The following SH3GL1 variants were observed in gnomAD, a reference collection of about 807,000 sequenced individuals.
SH3GL1 encodes SH3 domain containing GRB2 like 1, endophilin A2, also known as endophilin-A2.
SH3GL1 carries 21 observed loss-of-function variants against 48.8 expected under a neutral mutation model. That is an observed-to-expected ratio of 0.43 (90% CI 0.30 to 0.62). The LOEUF is 0.62. Among genes scored for constraint, SH3GL1 ranks in the 20% least tolerant of loss-of-function variants. The probability of loss-of-function intolerance (pLI) is 0.11; values close to 1 mark genes in which losing one functional copy is unlikely to be tolerated. For missense variants in SH3GL1, 454 were observed against 503.0 expected, an observed-to-expected ratio of 0.90 and a Z score of 0.93; for synonymous variants, 282 against 217.5, an observed-to-expected ratio of 1.30 and a Z score of -2.61.
chr19:4,392,221 G>T (rs1254401959), intron 1 of SH3GL1, among the ~76,000 whole-genome samples: 1 of 152,188 alleles, frequency 6.6e-6, no homozygotes, highest in Non-Finnish European at 1.5e-5. Context: ...AAGGGGTTAT[G>T]AACCCCATAT....
Position 4,361,654 on chromosome 19 carries a change from C to T in SH3GL1, c.1053G>A (p.Gln351=). 1.2e-6 allele frequency: 2 copies of T among 1,611,302 alleles called. No individual in the cohort carries two copies. The highest frequency in any genetic ancestry group is 1.7e-6 in the Non-Finnish European group (2 of 1,179,702). ...CGTAGCTGAGCGGGAAGAAGCCCGACTGGCCGTCCAGCATGCCCTCGTACC... is the reference window on the plus strand; with the variant it reads ...CGTAGCTGAGCGGGAAGAAGCCCGATTGGCCGTCCAGCATGCCCTCGTACC... ...ENWYEGMLDG[Q]SGFFPLSYVE... The change falls in exon 10 of 10, where the codon CAG becomes CAA. Residue 351 remains glutamine, a synonymous_variant. Coordinates refer to ENST00000269886, the MANE Select transcript of SH3GL1 (RefSeq NM_003025.4).
intron 3 of SH3GL1, 101 bp from the exon 4 acceptor site, chr19:4,365,726 G>T: frequency 6.6e-7 from 1 of 1,519,526 alleles, no homozygotes; most frequent in South Asian, 1.1e-5. Context: ...TGCTTCCTGT[G>T]CCTGTGGACA....
At chr19:4,383,667 C>G (rs1973180765) in intron 1 of SH3GL1, among the ~76,000 whole-genome samples, 1 of 152,200 alleles carries the variant, frequency 6.6e-6, no homozygotes, top group Non-Finnish European at 1.5e-5. Context: ...AGCCTCCTGG[C>G]ACTGAGGAAC....
intron 1 of SH3GL1, among the ~76,000 whole-genome samples, chr19:4,396,652 C>G (rs993683470): frequency 3.3e-5 from 5 of 151,902 alleles, no homozygotes; most frequent in Non-Finnish European, 2.9e-5. Context: ...GTATAATTAT[C>G]CTCATTTTTT....
chr19:4,365,883 C>G (rs1568409035), intron 3 of SH3GL1, among the ~76,000 whole-genome samples: 1 of 152,318 alleles, frequency 6.6e-6, no homozygotes, highest in East Asian at 1.9e-4. Context: ...CCTCTTGGAA[C>G]GTGGCTATGA....
chr19:4,395,992 A>G (rs1330536606), intron 1 of SH3GL1: 1 of 152,016 alleles, frequency 6.6e-6, no homozygotes, highest in Non-Finnish European at 1.5e-5. Context: ...TTTATGGTGG[A>G]TCTAGCTCCC....
intron 1 of SH3GL1, among the ~76,000 whole-genome samples, chr19:4,368,672 G>A (rs553599311): frequency 6.6e-6 from 1 of 152,122 alleles, no homozygotes; most frequent in Non-Finnish European, 1.5e-5. Context: ...GGGGTGTGCC[G>A]GGCATTCAGT....
Position 4,363,858 on chromosome 19 carries a change from C to G in SH3GL1, c.486G>C (p.Glu162Asp). ...TGTAGTCAAAGTCCAGGCGGCGGCCCTCCAGTTTCTTCAGGTGGTGCTGGA... is the reference window on the plus strand; with the variant it reads ...TGTAGTCAAAGTCCAGGCGGCGGCCGTCCAGTTTCTTCAGGTGGTGCTGGA... ...KEIQHHLKKLEGRRLDFDYKK... is the reference protein window; with the variant it reads ...KEIQHHLKKLDGRRLDFDYKK... Residue 162 changes from glutamate to aspartate, a missense_variant, in exon 6 of 10, where the codon GAG becomes GAC. By Grantham distance (45) the Glu-to-Asp change is conservative. This residue lies in a region of SH3GL1 where 176 missense variants were observed against 256.2 expected (regional missense o/e 0.69). Transcript: ENST00000269886. 1 of 1,612,690 alleles carries G rather than the reference C, an allele frequency of 6.2e-7. No homozygotes were observed. Among genetic ancestry groups the G allele is most frequent in the Non-Finnish European group, 8.5e-7 (1 of 1,180,046 alleles).
At chr19:4,375,643 CCCGAGCGAA>C (rs1232257533) in intron 1 of SH3GL1, among the ~76,000 whole-genome samples, 3 of 152,262 alleles carry the variant, frequency 2.0e-5, no homozygotes, top group African/African-American at 7.2e-5. Context: ...AGAGCTCCAG[CCCGAGCGAA>C]CACATCTACA....
chr19:4,363,682 A>G lies in SH3GL1; in HGVS notation c.624+38T>C, dbSNP rs566812526. Reference sequence around the variant, plus strand: ...GGCACCACCCCGGCCTCCCAAGGGCATAGGTCTTCTCAGGATGTGACACCC... The same window carrying G: ...GGCACCACCCCGGCCTCCCAAGGGCGTAGGTCTTCTCAGGATGTGACACCC... On this transcript the variant is annotated intron_variant, in intron 6 of 9. Transcript: ENST00000269886. 5.6e-6 allele frequency: 9 copies of G among 1,611,300 alleles called. No homozygotes were observed. In the East Asian group the frequency reaches 1.3e-4, roughly 24 times the overall value.
In SH3GL1 at chr19:4,389,118, C is replaced by A. The variant is rs1292529863; in HGVS notation, c.45+11206G>T. ...ACAGCCCCTCACTCTGAGAAGGAGC[C>A]CTCTAGCTCAGCCTCTGTAGGGGGC... On this transcript the variant is annotated intron_variant, in intron 1 of 9. Coordinates refer to ENST00000269886, the MANE Select transcript of SH3GL1 (RefSeq NM_003025.4). The surrounding 1 kb of genome is among the most constrained non-coding windows in gnomAD (Gnocchi z 4.5). 1.3e-5 allele frequency among the ~76,000 whole-genome samples: 2 copies of A among 152,220 alleles called. No homozygotes were observed. Among genetic ancestry groups the A allele is most frequent in the Non-Finnish European group, 2.9e-5 (2 of 68,038 alleles).
rs1972609810 is a variant in SH3GL1, at chr19:4,361,504, C to T, written c.*96G>A. 3.4e-5 allele frequency: 34 copies of T among 992,352 alleles called. No homozygotes were observed. The South Asian group carries it at 5.0e-4, about 15-fold the overall frequency. 61.5% of individuals were successfully genotyped at this position (992,352 alleles called of 1,614,324 possible). A position where few individuals can be genotyped will look rare whatever the true frequency, so the allele number is the denominator to read the frequency against. Reference sequence around the variant, plus strand: ...CCCAGGTGGCGCCGGCAGGCTCAGACACCGCCCTGGCAGCAGGGGCTCCGT... The same window carrying T: ...CCCAGGTGGCGCCGGCAGGCTCAGATACCGCCCTGGCAGCAGGGGCTCCGT... On this transcript the variant is annotated 3_prime_UTR_variant, in exon 10 of 10. Coordinates refer to ENST00000269886, the MANE Select transcript of SH3GL1 (RefSeq NM_003025.4).
intron 1 of SH3GL1, among the ~76,000 whole-genome samples, chr19:4,393,237 G>A (rs2144924661): frequency 6.6e-6 from 1 of 152,076 alleles, no homozygotes; most frequent in Admixed American, 6.6e-5. Flanking sequence ...TTCCAGCCTG[G>A]GCAATGGTGT....
chr19:4,376,406 G>A lies in SH3GL1; in HGVS notation c.46-9412C>T, dbSNP rs1045964415. 2.0e-5 allele frequency among the ~76,000 whole-genome samples: 3 copies of A among 152,030 alleles called. No homozygotes were observed. The highest frequency in any genetic ancestry group is 6.6e-5 in the Admixed American group (1 of 15,260). On this transcript the variant is annotated intron_variant, in intron 1 of 9. Transcript: ENST00000269886. The surrounding 1 kb of genome is among the most constrained non-coding windows in gnomAD (Gnocchi z 4.3). ...GAACCTCAGCGCCCTCCTCCCTGCCGGCAGCCAGGCAGGGATTTAGGTGGT... is the reference window on the plus strand; with the variant it reads ...GAACCTCAGCGCCCTCCTCCCTGCCAGCAGCCAGGCAGGGATTTAGGTGGT...
Position 4,363,419 on chromosome 19 carries a change from G to C in SH3GL1, c.679C>G (p.Arg227Gly), listed in dbSNP as rs567748801. ...ALVDAQLDYHRQAVQILDELA... is the reference protein window; with the variant it reads ...ALVDAQLDYHGQAVQILDELA... ...TCGTCCAGGATCTGCACGGCCTGCC[G>C]GTGGTAGTCCAGCTGTGCATCCACC... The change falls in exon 7 of 10, where the codon CGG (arginine) becomes GGG (glycine). Residue 227 changes from arginine (R) to glycine (G), a missense_variant. By Grantham distance (125) the Arg-to-Gly change is moderately radical (BLOSUM62 -2). Transcript: ENST00000269886. 8 of 1,612,298 alleles carry C rather than the reference G, an allele frequency of 5.0e-6. No individual in the cohort carries two copies. The highest frequency in any genetic ancestry group is 6.8e-6 in the Non-Finnish European group (8 of 1,179,532).
rs1290651815 is a variant in SH3GL1 at position 4,365,642 on chromosome 19, A to C, written c.188-17T>G. On this transcript the variant is annotated splice_polypyrimidine_tract_variant and intron_variant, in intron 3 of 9. Transcript: ENST00000269886. The stretch of plus-strand genomic sequence containing the variant: ...CCCGCGAGGCTGGGATAGGATGGCC[A>C]GGTGGGTGTGGGCTGTGAGGCCTGC... 1 of 1,613,392 alleles carries C rather than the reference A, an allele frequency of 6.2e-7. No individual in the cohort carries two copies. The highest frequency in any genetic ancestry group is 1.1e-5 in the South Asian group (1 of 91,090).
At chr19:4,374,592 C>A (rs190263617) in intron 1 of SH3GL1, among the ~76,000 whole-genome samples, 5 of 152,216 alleles carry the variant, frequency 3.3e-5, no homozygotes, top group South Asian at 2.1e-4. Flanking sequence ...ATGGGGCAAT[C>A]GGCGTTTCTC....
At chr19:4,398,991 A>G (rs755553535) in intron 1 of SH3GL1, among the ~76,000 whole-genome samples, 4 of 152,228 alleles carry the variant, frequency 2.6e-5, no homozygotes, top group Non-Finnish European at 5.9e-5. Flanking sequence ...AAATTATGGT[A>G]TATGTCATGG....
chr19:4,362,771 T>G, intron 7 of SH3GL1, 35 bp from the exon 8 acceptor site: 3 of 1,612,828 alleles, frequency 1.9e-6, no homozygotes, highest in Non-Finnish European at 2.5e-6. Flanking sequence ...ACCGAGCCCG[T>G]GTCACGGCCG....
Sources: gnomAD v4.1 joint callset for allele counts (sites outside exome capture counted in the v4.1 genomes callset) on GRCh38, gnomAD v4.1.1 for gene constraint, gnomAD v4.1.1 regional missense constraint, Gnocchi (gnomAD v3.1) non-coding constraint, MANE v1.5 for transcripts, NCBI Gene and HGNC (gene_info 2026-07-23, HGNC 2026-07-21) for gene names.